CNTN4: variants seen among roughly 807,000 people sequenced by gnomAD.
The protein encoded by CNTN4 is contactin-4.
A neutral mutation model predicts 122.5 loss-of-function variants in CNTN4; 77 were observed. The ratio of observed to expected loss-of-function variants is 0.63; its 90% CI spans 0.52 to 0.76. The LOEUF (loss-of-function observed/expected upper bound fraction) is 0.76. Ranked by LOEUF, CNTN4 falls within the 30% of genes least tolerant of loss-of-function variation. The pLI, the probability that CNTN4 is intolerant of heterozygous loss-of-function variation, is 0.00. For synonymous variants in CNTN4, 512 were observed against 447.0 expected, an observed-to-expected ratio of 1.15 and a Z score of -1.83; for missense variants, 1,256 against 1,259.1, an observed-to-expected ratio of 1.00 and a Z score of 0.04.
At chr3:2,489,052 G>A (rs1358093598) in intron 3 of CNTN4, among the ~76,000 whole-genome samples, 1 of 151,964 alleles carries the variant, frequency 6.6e-6, no homozygotes, top group East Asian at 1.9e-4. Flanking sequence ...CTCTGTTTTT[G>A]CAAATTACTT....
intron 2 of CNTN4, among the ~76,000 whole-genome samples, chr3:2,292,805 T>G (rs1482860359): frequency 6.6e-6 from 1 of 152,264 alleles, no homozygotes; most frequent in Non-Finnish European, 1.5e-5. Context: ...TATTCCATTC[T>G]TTTGTTGATG....
intron 3 of CNTN4, among the ~76,000 whole-genome samples, chr3:2,557,643 G>A (rs918230089): frequency 2.6e-5 from 4 of 151,884 alleles, no homozygotes; most frequent in Non-Finnish European, 4.4e-5. Flanking sequence ...GCAGGAGAAT[G>A]GCGTGAACCT....
intron 3 of CNTN4, among the ~76,000 whole-genome samples, chr3:2,502,031 C>G (rs891664674): frequency 6.6e-6 from 1 of 152,106 alleles, no homozygotes; most frequent in Non-Finnish European, 1.5e-5. Context: ...CCTATTTATA[C>G]GTGGATCCAA....
chr3:2,707,660 T>C (rs1317767622), intron 4 of CNTN4, among the ~76,000 whole-genome samples: 1 of 152,166 alleles, frequency 6.6e-6, no homozygotes, highest in Non-Finnish European at 1.5e-5. Context: ...GTTTTTTGTT[T>C]TGAGGCAGGG....
At chr3:2,823,667 C>T (rs1398455941) in intron 7 of CNTN4, among the ~76,000 whole-genome samples, 1 of 152,144 alleles carries the variant, frequency 6.6e-6, no homozygotes, top group Non-Finnish European at 1.5e-5. Context: ...CACTGGGCAC[C>T]AGGAATTCAT....
chr3:2,436,869 A>C (rs1010682004), intron 3 of CNTN4, among the ~76,000 whole-genome samples: 1 of 150,588 alleles, frequency 6.6e-6, no homozygotes, highest in South Asian at 2.1e-4. Context: ...TATTTTATAA[A>C]TAGATATGGA....
intron 7 of CNTN4, among the ~76,000 whole-genome samples, chr3:2,835,440 A>G (rs918156005): frequency 6.6e-6 from 1 of 152,204 alleles, no homozygotes; most frequent in Non-Finnish European, 1.5e-5. Context: ...ATGTAAACAT[A>G]CATACTTATG....
At chr3:2,956,441 A>G (rs538443446) in intron 13 of CNTN4, among the ~76,000 whole-genome samples, 5 of 152,258 alleles carry the variant, frequency 3.3e-5, no homozygotes, top group Admixed American at 3.3e-4. Flanking sequence ...GGCATTTTTT[A>G]TGTTATATAT....
At chr3:2,108,104 A>G (rs1324296270) in intron 2 of CNTN4, among the ~76,000 whole-genome samples, 3 of 150,534 alleles carry the variant, frequency 2.0e-5, no homozygotes, top group Admixed American at 1.3e-4. Flanking sequence ...ATCCTCCCCC[A>G]GGCTTGCAGA....
At chr3:2,738,439 A>G (rs1282408703) in intron 5 of CNTN4, among the ~76,000 whole-genome samples, 1 of 152,176 alleles carries the variant, frequency 6.6e-6, no homozygotes, top group African/African-American at 2.4e-5. Context: ...GGCAACCAAA[A>G]TCTGACTCCA....
intron 3 of CNTN4, among the ~76,000 whole-genome samples, chr3:2,455,059 G>A (rs2048948419): frequency 6.6e-6 from 1 of 152,068 alleles, no homozygotes; most frequent in South Asian, 2.1e-4. Context: ...AATAAAACCA[G>A]TAAATATGGT....
intron 3 of CNTN4, among the ~76,000 whole-genome samples, chr3:2,374,707 A>T (rs1014420427): frequency 1.3e-5 from 2 of 152,256 alleles, no homozygotes; most frequent in African/African-American, 4.8e-5. Context: ...TTTATATTCC[A>T]TTCATTAAAC....
intron 4 of CNTN4, among the ~76,000 whole-genome samples, chr3:2,679,948 A>C (rs1317742202): frequency 6.6e-6 from 1 of 152,184 alleles, no homozygotes; most frequent in Admixed American, 6.5e-5. Context: ...CTAGTATTTG[A>C]CACTAAATAT....
chr3:2,146,512 A>G (rs1345585920), intron 2 of CNTN4, among the ~76,000 whole-genome samples: 1 of 152,152 alleles, frequency 6.6e-6, no homozygotes, highest in Non-Finnish European at 1.5e-5. Flanking sequence ...TATGAAATTG[A>G]TACTTCATAA....
chr3:2,813,073 A>G (rs549759881), intron 6 of CNTN4, among the ~76,000 whole-genome samples: 1 of 152,220 alleles, frequency 6.6e-6, no homozygotes, highest in South Asian at 2.1e-4. Context: ...AGTCTCTTCA[A>G]TCCAGGAAAC....
At chr3:2,466,970 CTTT>C (rs60879017) in intron 3 of CNTN4, among the ~76,000 whole-genome samples, 24 of 115,804 alleles carry the variant, frequency 2.1e-4, no homozygotes, top group Non-Finnish European at 3.1e-4. Context: ...TTCTTTCTTT[CTTT>C]TTTTTTTTTT....
At chr3:2,178,633 T>G (rs570844872) in intron 2 of CNTN4, among the ~76,000 whole-genome samples, 1 of 152,234 alleles carries the variant, frequency 6.6e-6, no homozygotes, top group East Asian at 1.9e-4. Context: ...CCATGTTAAC[T>G]TAATGCAGTT....
At chr3:2,293,606 C>G (rs1487601119) in intron 2 of CNTN4, among the ~76,000 whole-genome samples, 1 of 151,852 alleles carries the variant, frequency 6.6e-6, no homozygotes, top group Non-Finnish European at 1.5e-5. Context: ...GGTTTCTTGG[C>G]ACATAATAAA....
At chr3:2,949,278 G>C (rs980623108) in intron 13 of CNTN4, among the ~76,000 whole-genome samples, 2 of 152,256 alleles carry the variant, frequency 1.3e-5, no homozygotes, top group African/African-American at 4.8e-5. Flanking sequence ...CCTTGCTCCT[G>C]TCATGCCAAC....
Sources: allele counts gnomAD v4.1 joint callset (sites outside exome capture counted in the v4.1 genomes callset), GRCh38; gene constraint gnomAD v4.1.1; transcripts MANE v1.5; gene names NCBI Gene and HGNC (gene_info 2026-07-23, HGNC 2026-07-21).